Variants in USP33 observed in about 807,000 individuals in gnomAD.
USP33 encodes the protein ubiquitin carboxyl-terminal hydrolase 33.
In USP33, 46 loss-of-function variants were observed where a neutral mutation model predicts 124.2. That is an observed-to-expected ratio of 0.37 (90% confidence interval 0.29 to 0.47). The LOEUF (loss-of-function observed/expected upper bound fraction) is 0.47, where lower values mean the gene tolerates loss of function less well. Among genes scored for constraint, USP33 ranks in the 20% least tolerant of loss-of-function variants. The pLI is 0.99. For missense variants in USP33, 851 were observed against 1,070.6 expected, an observed-to-expected ratio of 0.79 and a Z score of 2.86; for synonymous variants, 350 against 352.3, an observed-to-expected ratio of 0.99 and a Z score of 0.07.
chr1:77,712,577 C>G (rs976067129), intron 20 of USP33, among the ~76,000 whole-genome samples: 2 of 152,148 alleles, frequency 1.3e-5, no homozygotes, highest in South Asian at 2.1e-4. Context: ...TGCCTGTAAT[C>G]CCAATACTTT....
At chr1:77,759,548 A>T in intron 1 of USP33, 95 bp downstream of exon 1, 2 of 398,050 alleles carry the variant, frequency 5.0e-6, no homozygotes, top group Non-Finnish European at 4.4e-6. Flanking sequence ...CAGCGGCCGC[A>T]ACCCCAGCGC....
chr1:77,753,998 T>A (rs182963847), intron 1 of USP33, among the ~76,000 whole-genome samples: 1 of 152,304 alleles, frequency 6.6e-6, no homozygotes, highest in East Asian at 1.9e-4. Flanking sequence ...TTGAACATGA[T>A]GACCAAAGGG....
At chr1:77,718,109 G>A in intron 16 of USP33, 62 bp from the exon 17 acceptor site, 14 of 1,372,682 alleles carry the variant, frequency 1.0e-5, no homozygotes, top group East Asian at 2.4e-5. Flanking sequence ...CATTATAACA[G>A]GTAAAACTTA....
intron 1 of USP33, among the ~76,000 whole-genome samples, chr1:77,753,989 T>C (rs533515200): frequency 6.6e-6 from 1 of 152,268 alleles, no homozygotes; most frequent in South Asian, 2.1e-4. Context: ...ATGTTCCAAT[T>C]GAACATGATG....
Position 77,711,772 on chromosome 1 carries a change from T to A in USP33, c.2381A>T (p.Lys794Ile). ...CCGAATAAAAATTTCCAATTCAGTT[T>A]TTCTTCTTTTTTCAATTTTCTCCGC... ...IEAEKIEKRR[K>I]TELEIFIRLN... Residue 794 changes from lysine to isoleucine, a missense_variant, in exon 21 of 24, where the codon AAA becomes ATA. By Grantham distance (102) the Lys-to-Ile change is moderately radical (BLOSUM62 -3). This residue lies in a region of USP33 where 142 missense variants were observed against 141.8 expected (regional missense o/e 1.00). Coordinates refer to ENST00000370794, the MANE Select transcript of USP33 (RefSeq NM_201624.3). 6.2e-7 allele frequency: 1 copy of A among 1,609,376 alleles called. No homozygotes were observed. Among genetic ancestry groups the A allele is most frequent in the Non-Finnish European group, 8.5e-7 (1 of 1,178,954 alleles).
chr1:77,710,169 T>C (rs1193517586), intron 21 of USP33, among the ~76,000 whole-genome samples: 2 of 152,172 alleles, frequency 1.3e-5, no homozygotes, highest in Non-Finnish European at 2.9e-5. Context: ...TCCCTTCTTA[T>C]CCTGCCTGGG....
intron 1 of USP33, among the ~76,000 whole-genome samples, chr1:77,749,052 C>T (rs1680038799): frequency 6.6e-6 from 1 of 152,140 alleles, no homozygotes. Context: ...CAATTTTACT[C>T]ATTGACATTT....
At chr1:77,735,628 T>C (rs887202605) in intron 6 of USP33, among the ~76,000 whole-genome samples, 1 of 152,142 alleles carries the variant, frequency 6.6e-6, no homozygotes, top group Non-Finnish European at 1.5e-5. Flanking sequence ...CCTAAAAGAA[T>C]ATGAAAAATC....
intron 1 of USP33, among the ~76,000 whole-genome samples, chr1:77,744,716 G>T (rs139034487): frequency 1.6e-4 from 24 of 152,154 alleles, no homozygotes; most frequent in African/African-American, 5.5e-4. Context: ...ATGGTGGCAC[G>T]TGCCTATAGT....
chr1:77,756,289 T>TA (rs1238633669), intron 1 of USP33, among the ~76,000 whole-genome samples: 147 of 152,222 alleles, frequency 9.7e-4, no homozygotes, highest in African/African-American at 3.4e-3. Context: ...TTTTTTTTTT[T>TA]AACCACATTT....
intron 15 of USP33, chr1:77,720,180 A>C (rs1329884504): frequency 4.8e-6 from 2 of 419,492 alleles, no homozygotes; most frequent in Non-Finnish European, 6.4e-6. Flanking sequence ...AAAAAAAAAA[A>C]AAAAAAAAAA....
At chr1:77,736,303 A>G (rs1419561770) in intron 5 of USP33, 145 bp from the exon 6 acceptor site, 3 of 505,722 alleles carry the variant, frequency 5.9e-6, no homozygotes, top group Non-Finnish European at 1.0e-5. Context: ...GGTATTAGCA[A>G]TTAAACTTAC....
At chr1:77,716,583 A>G (rs1283889338) in intron 17 of USP33, among the ~76,000 whole-genome samples, 1 of 152,192 alleles carries the variant, frequency 6.6e-6, no homozygotes, top group African/African-American at 2.4e-5. Context: ...AGGGTAATTG[A>G]TATTGCAAAC....
intron 21 of USP33, among the ~76,000 whole-genome samples, chr1:77,702,727 C>CT (rs1414863264): frequency 6.6e-6 from 1 of 151,864 alleles, no homozygotes; most frequent in Non-Finnish European, 1.5e-5. Context: ...TTTTGGAGGT[C>CT]TGGTTTTTCA....
At chr1:77,720,416 G>C in intron 15 of USP33, 2 of 985,372 alleles carry the variant, frequency 2.0e-6, no homozygotes, top group Non-Finnish European at 2.4e-6. Context: ...CAAGAACAAA[G>C]TGATACTTTC....
intron 6 of USP33, among the ~76,000 whole-genome samples, chr1:77,735,279 C>A (rs1678306756): frequency 6.6e-6 from 1 of 152,102 alleles, no homozygotes; most frequent in Non-Finnish European, 1.5e-5. Flanking sequence ...AGTTCACTTT[C>A]ATCAGTTTAC....
intron 12 of USP33, among the ~76,000 whole-genome samples, chr1:77,722,821 G>A (rs1376599401): frequency 6.6e-6 from 1 of 152,184 alleles, no homozygotes; most frequent in East Asian, 1.9e-4. Context: ...AAACTTTGAA[G>A]AAGTGTTATT....
At chr1:77,698,713 G>A (rs1345349730) in intron 22 of USP33, among the ~76,000 whole-genome samples, 1 of 151,264 alleles carries the variant, frequency 6.6e-6, no homozygotes, top group Admixed American at 6.6e-5. Flanking sequence ...TGTTAGCCAG[G>A]ATGGTCTTGA....
intron 5 of USP33, among the ~76,000 whole-genome samples, chr1:77,738,849 A>G (rs749041479): frequency 1.6e-4 from 24 of 152,224 alleles, no homozygotes; most frequent in African/African-American, 5.3e-4. Context: ...GTTGTCAATA[A>G]TAAGTAAAAT....
Sources: gnomAD v4.1 joint callset for allele counts (sites outside exome capture counted in the v4.1 genomes callset) on GRCh38, gnomAD v4.1.1 for gene constraint, gnomAD v4.1.1 regional missense constraint, MANE v1.5 for transcripts, NCBI Gene and HGNC (gene_info 2026-07-23, HGNC 2026-07-21) for gene names.